MANF: variants seen among roughly 807,000 people sequenced by gnomAD.
MANF encodes the protein mesencephalic astrocyte derived neurotrophic factor, also known as mesencephalic astrocyte-derived neurotrophic factor.
MANF carries 9 observed loss-of-function variants against 19.1 expected under a neutral mutation model. The observed-to-expected ratio is 0.47, with a 90% CI of 0.28 to 0.82. MANF has a LOEUF of 0.82. Among genes scored for constraint, MANF ranks in the 40% least tolerant of loss-of-function variants. The pLI is 0.10. For missense variants in MANF, 225 were observed against 226.7 expected, an observed-to-expected ratio of 0.99 and a Z score of 0.05; for synonymous variants, 89 against 88.0, an observed-to-expected ratio of 1.01 and a Z score of -0.06.
intron 3 of MANF, among the ~76,000 whole-genome samples, chr3:51,388,087 G>C (rs2088980255): frequency 6.6e-6 from 1 of 152,320 alleles, no homozygotes; most frequent in African/African-American, 2.4e-5. Context: ...TTTGAAGGAG[G>C]TGAGGATTAG....
chr3:51,389,278 G>GGT lies in MANF; in HGVS notation c.*192_*193dup. On this transcript the variant is annotated 3_prime_UTR_variant, in exon 4 of 4. Coordinates refer to ENST00000528157, the MANE Select transcript of MANF (RefSeq NM_006010.6). ...AGGGGATTCCCTTCCTTCTGTTGCT[G>GGT]GTGTACTCTAGGACTTCAAAGTGTG... The GGT allele has an allele frequency of 1.8e-6, 1 of 552,022 alleles. No homozygotes were observed. Among genetic ancestry groups the GGT allele is most frequent in the South Asian group, 2.6e-5 (1 of 37,868 alleles). 34.2% of individuals were successfully genotyped at this position (552,022 alleles called of 1,614,324 possible). A position where few individuals can be genotyped will look rare whatever the true frequency, so the allele number is the denominator to read the frequency against.
Position 51,385,450 on chromosome 3 carries a change from G to T in MANF, c.94+14G>T. The T allele has an allele frequency of 8.2e-7, 1 of 1,226,122 alleles. No individual in the cohort carries two copies. 76.0% of individuals were successfully genotyped at this position (1,226,122 alleles called of 1,614,324 possible). ...GCGACTGCGAAGGTGCGGGATAGGG[G>T]GCCGGGGGCCGCGCTCCGTGACCGT... On this transcript the variant is annotated intron_variant, in intron 1 of 3. Transcript: ENST00000528157.
chr3:51,389,055 C>T lies in MANF; in HGVS notation c.515C>T (p.Ala172Val), dbSNP rs1023826893. Reference protein sequence around the residue: ...RKINELMPKYAPKAASARTDL With the variant: ...RKINELMPKYVPKAASARTDL ...ATAAATGAACTGATGCCTAAATATG[C>T]CCCCAAGGCAGCCAGTGCACGGACC... Residue 172 changes from alanine (A) to valine (V), a missense_variant, in exon 4 of 4, where the codon GCC becomes GTC. By Grantham distance (64) the Ala-to-Val change is moderately conservative. Coordinates refer to ENST00000528157, the MANE Select transcript of MANF (RefSeq NM_006010.6). 6.2e-7 allele frequency: 1 copy of T among 1,612,530 alleles called. No homozygotes were observed. The highest frequency in any genetic ancestry group is 2.2e-5 in the East Asian group (1 of 44,866).
chr3:51,388,901 C>G lies in MANF; in HGVS notation c.365-4C>G, dbSNP rs1553621147. On this transcript the variant is annotated splice_polypyrimidine_tract_variant and splice_region_variant and intron_variant, in intron 3 of 3. Transcript: ENST00000528157. ...TCAGTGACTCTCCCTGCTCTCTCCT[C>G]CAGACAAGCAGATCGACCTGAGCAC... 5.1e-6 allele frequency: 8 copies of G among 1,561,024 alleles called. No individual in the cohort carries two copies. The highest frequency in any genetic ancestry group is 6.9e-6 in the Non-Finnish European group (8 of 1,153,332).
chr3:51,386,418 C>T, intron 2 of MANF, 83 bp downstream of exon 2: 1 of 1,504,794 alleles, frequency 6.6e-7, no homozygotes, highest in South Asian at 1.2e-5. Context: ...AAGGCCTTGC[C>T]CACCTCTCTG....
chr3:51,389,349 C>A lies in MANF; in HGVS notation c.*260C>A. On this transcript the variant is annotated 3_prime_UTR_variant, in exon 4 of 4. Transcript: ENST00000528157. The stretch of plus-strand genomic sequence containing the variant: ...GAAAAAAAATTTCTAGCTGTCCTTG[C>A]AGAATTATAGTGAATACCAAAATGG... The A allele has an allele frequency of 2.3e-6, 1 of 427,348 alleles. No individual in the cohort carries two copies. The highest frequency in any genetic ancestry group is 4.1e-6 in the Non-Finnish European group (1 of 243,392). 26.5% of individuals were successfully genotyped at this position (427,348 alleles called of 1,614,324 possible).
At position 51,385,310 on chromosome 3, in the gene MANF, CGGAGGAGGA is replaced by C. The variant is rs1553620634; in HGVS notation, c.-17_-9del. Reference sequence around the variant, plus strand: ...CGGTTCAGTCGGTCGGCGGCGGCAGCGGAGGAGGAGGAGGAGGAGGAGGATGAGGAGGAT... The same window carrying C: ...CGGTTCAGTCGGTCGGCGGCGGCAGCGGAGGAGGAGGAGGATGAGGAGGAT... On this transcript the variant is annotated 5_prime_UTR_variant, in exon 1 of 4. The change creates a new upstream start codon in the 5' untranslated region. Transcript: ENST00000528157. 6.6e-5 allele frequency: 76 copies of C among 1,154,604 alleles called. No individual in the cohort carries two copies. The highest frequency in any genetic ancestry group is 6.1e-4 in the East Asian group (19 of 31,128). 71.5% of individuals were successfully genotyped at this position (1,154,604 alleles called of 1,614,324 possible).
rs2088961769 is a variant in MANF, at chr3:51,386,324, G to A, written c.211G>A (p.Glu71Lys). The change falls in exon 2 of 4, where the codon GAG becomes AAG. Residue 71 changes from glutamate to lysine, a missense_variant. Glu to Lys is a moderately conservative substitution (Grantham distance 56). Coordinates refer to ENST00000528157, the MANE Select transcript of MANF (RefSeq NM_006010.6). The stretch of plus-strand genomic sequence containing the variant: ...GTTCTGCCGGGAAGCAAGAGGCAAA[G>A]AGAATCGGTTGGTAAGTAGCTGGTG... ...IKFCREARGKENRLCYYIGAT... is the reference protein window; with the variant it reads ...IKFCREARGKKNRLCYYIGAT... The A allele has an allele frequency of 6.2e-7, 1 of 1,613,762 alleles. No homozygotes were observed. Among genetic ancestry groups the A allele is most frequent in the Non-Finnish European group, 8.5e-7 (1 of 1,179,814 alleles).
chr3:51,386,131 T>C, intron 1 of MANF, 77 bp from the exon 2 acceptor site: 1 of 1,501,622 alleles, frequency 6.7e-7, no homozygotes, highest in Non-Finnish European at 9.2e-7. Flanking sequence ...CCTATTAAAA[T>C]TGCTGGCGGA....
chr3:51,386,458 C>A, intron 2 of MANF, 123 bp downstream of exon 2: 1 of 1,062,318 alleles, frequency 9.4e-7, no homozygotes, highest in Non-Finnish European at 1.4e-6. Context: ...TCTCCATAAA[C>A]TAATGTGAGA....
chr3:51,385,937 G>C, intron 1 of MANF: 1 of 434,870 alleles, frequency 2.3e-6, no homozygotes, highest in Admixed American at 3.8e-5. Flanking sequence ...TTCACCATGG[G>C]CTTAAACTTG....
chr3:51,386,522 A>AT (rs1297609832), intron 2 of MANF, among the ~76,000 whole-genome samples, 187 bp downstream of exon 2: 12 of 152,052 alleles, frequency 7.9e-5, no homozygotes, highest in Admixed American at 2.0e-4. Flanking sequence ...TGCAACTGTG[A>AT]TTTTTTTTTA....
intron 2 of MANF, 53 bp downstream of exon 2, chr3:51,386,388 C>A (rs2088962666): frequency 6.2e-7 from 1 of 1,603,078 alleles, no homozygotes; most frequent in Non-Finnish European, 8.5e-7. Context: ...TAACCCTCGG[C>A]TTCACCAGCC....
chr3:51,389,358 A>G lies in MANF; in HGVS notation c.*269A>G. ...TTTCTAGCTGTCCTTGCAGAATTATAGTGAATACCAAAATGGGGTTTTGCC... is the reference window on the plus strand; with the variant it reads ...TTTCTAGCTGTCCTTGCAGAATTATGGTGAATACCAAAATGGGGTTTTGCC... On this transcript the variant is annotated 3_prime_UTR_variant, in exon 4 of 4. Coordinates refer to ENST00000528157, the MANE Select transcript of MANF (RefSeq NM_006010.6). 1 of 391,902 alleles carries G rather than the reference A, an allele frequency of 2.6e-6. No homozygotes were observed. 24.3% of individuals were successfully genotyped at this position (391,902 alleles called of 1,614,324 possible). A position where few individuals can be genotyped will look rare whatever the true frequency, so the allele number is the denominator to read the frequency against.
chr3:51,388,733 C>G (rs1210179872), intron 3 of MANF, among the ~76,000 whole-genome samples, 172 bp from the exon 4 acceptor site: 2 of 152,120 alleles, frequency 1.3e-5, no homozygotes, highest in East Asian at 1.9e-4. Flanking sequence ...GAGGCTAGTT[C>G]CCTCTTGTGG....
rs1005340086 is a variant in MANF, at chr3:51,389,284, C to T, written c.*195C>T. On this transcript the variant is annotated 3_prime_UTR_variant, in exon 4 of 4. Transcript: ENST00000528157. The stretch of plus-strand genomic sequence containing the variant: ...TTCCCTTCCTTCTGTTGCTGGTGTA[C>T]TCTAGGACTTCAAAGTGTGTCTGGG... 5 of 513,066 alleles carry T rather than the reference C, an allele frequency of 9.7e-6. No individual in the cohort carries two copies. The highest frequency in any genetic ancestry group is 1.7e-5 in the Non-Finnish European group (5 of 298,158). 31.8% of individuals were successfully genotyped at this position (513,066 alleles called of 1,614,324 possible).
Position 51,386,216 on chromosome 3 carries a change from T to C in MANF, c.103T>C (p.Ser35Pro). The C allele has an allele frequency of 6.2e-7, 1 of 1,613,554 alleles. No homozygotes were observed. Among genetic ancestry groups the C allele is most frequent in the Non-Finnish European group, 8.5e-7 (1 of 1,179,666 alleles). Residue 35 changes from serine (S) to proline (P), a missense_variant, in exon 2 of 4, where the codon TCT becomes CCT. Coordinates refer to ENST00000528157, the MANE Select transcript of MANF (RefSeq NM_006010.6). ...LRPGDCEVCI[S>P]YLGRFYQDLK... ...GTCCCTCTCTTTTCCAGTTTGTATT[T>C]CTTATCTGGGAAGATTTTACCAGGA...
chr3:51,388,878 A>G (rs1553621142), intron 3 of MANF, 27 bp from the exon 4 acceptor site: 1 of 1,524,482 alleles, frequency 6.6e-7, no homozygotes, highest in East Asian at 2.5e-5. Flanking sequence ...CCACCCAGTC[A>G]GTGACTCTCC....
At chr3:51,386,470 G>A in intron 2 of MANF, 135 bp downstream of exon 2, 2 of 936,798 alleles carry the variant, frequency 2.1e-6, no homozygotes, top group South Asian at 3.4e-5. Flanking sequence ...AATGTGAGAA[G>A]ACTGAAGTGC....
Sources: allele counts gnomAD v4.1 joint callset (sites outside exome capture counted in the v4.1 genomes callset), GRCh38; gene constraint gnomAD v4.1.1; transcripts MANE v1.5; gene names NCBI Gene and HGNC (gene_info 2026-07-23, HGNC 2026-07-21).